The following NTM variants were observed in gnomAD, a reference collection of about 807,000 sequenced individuals.
NTM encodes the protein IgLON family member 2.
NTM carries 13 observed loss-of-function variants against 42.1 expected under a neutral mutation model. The observed-to-expected ratio is 0.31, with a 90% CI of 0.20 to 0.49. The LOEUF (loss-of-function observed/expected upper bound fraction) is 0.49, where lower values mean the gene tolerates loss of function less well. Ranked by LOEUF, NTM falls within the 20% of genes least tolerant of loss-of-function variation. The pLI, the probability that NTM is intolerant of heterozygous loss-of-function variation, is 0.99. For missense variants in NTM, 373 were observed against 452.8 expected, an observed-to-expected ratio of 0.82 and a Z score of 1.60; for synonymous variants, 187 against 179.2, an observed-to-expected ratio of 1.04 and a Z score of -0.35.
rs550513983 is a variant in NTM at position 131,761,928 on chromosome 11, T to C, written c.83-149636T>C. 2.6e-5 allele frequency among the ~76,000 whole-genome samples: 4 copies of C among 152,072 alleles called. No individual in the cohort carries two copies. The South Asian group carries it at 8.3e-4, about 32-fold the overall frequency. On this transcript the variant is annotated intron_variant, in intron 1 of 8. Transcript: ENST00000683400. The stretch of plus-strand genomic sequence containing the variant: ...CCTCTCTCTGTCTCTCTCTTCACTA[T>C]GTGAGGATACAATGGGAAGGCAGCT...
chr11:131,622,990 G>A (rs2062733818), intron 1 of NTM, among the ~76,000 whole-genome samples: 1 of 152,210 alleles, frequency 6.6e-6, no homozygotes, highest in Non-Finnish European at 1.5e-5. Context: ...AAGAGGAAGA[G>A]GAAGGGAAAT....
intron 3 of NTM, among the ~76,000 whole-genome samples, chr11:132,184,106 G>T (rs1473433071): frequency 6.6e-6 from 1 of 152,130 alleles, no homozygotes; most frequent in African/African-American, 2.4e-5. Context: ...TTTTACTACC[G>T]TTTTTGAGAG....
At chr11:131,383,681 G>C (rs990727637) in intron 1 of NTM, among the ~76,000 whole-genome samples, 4 of 152,166 alleles carry the variant, frequency 2.6e-5, no homozygotes, top group African/African-American at 9.7e-5. Context: ...GGCTAGAATT[G>C]TTTTCATTGA....
At position 131,422,060 on chromosome 11, in the gene NTM, A is replaced by G. The variant is rs571975853; in HGVS notation, c.82+51172A>G. On this transcript the variant is annotated intron_variant, in intron 1 of 8. Transcript: ENST00000683400. Reference sequence around the variant, plus strand: ...TTGCAAGTTCAAATCTGAGCCCTGCATTTTGTCCACAACGTAGTTAACTTG... The same window carrying G: ...TTGCAAGTTCAAATCTGAGCCCTGCGTTTTGTCCACAACGTAGTTAACTTG... Among the ~76,000 whole-genome samples the G allele has an allele frequency of 2.6e-5, 4 of 152,258 alleles. 1 individual carries two copies. The South Asian group carries it at 8.3e-4, about 32-fold the overall frequency.
At chr11:131,763,940 T>C (rs2135836591) in intron 1 of NTM, among the ~76,000 whole-genome samples, 1 of 152,070 alleles carries the variant, frequency 6.6e-6, no homozygotes, top group Admixed American at 6.5e-5. Context: ...TGAGGAGCAA[T>C]AATTATGTAA....
intron 3 of NTM, among the ~76,000 whole-genome samples, chr11:132,200,045 C>T (rs920002709): frequency 6.6e-6 from 1 of 152,160 alleles, no homozygotes; most frequent in Non-Finnish European, 1.5e-5. Flanking sequence ...CTGCCACTCT[C>T]GCTGAGAACT....
chr11:131,995,676 G>T (rs1334644725), intron 2 of NTM, among the ~76,000 whole-genome samples: 1 of 152,076 alleles, frequency 6.6e-6, no homozygotes, highest in Non-Finnish European at 1.5e-5. Context: ...CCAGGGGTTT[G>T]GTCTAGGTCC....
At chr11:131,409,206 G>A (rs886910285) in intron 1 of NTM, among the ~76,000 whole-genome samples, 2 of 152,226 alleles carry the variant, frequency 1.3e-5, no homozygotes, top group African/African-American at 4.8e-5. Flanking sequence ...ATCTAGTTAA[G>A]ACTGCAAAGT....
intron 1 of NTM, among the ~76,000 whole-genome samples, chr11:131,816,343 CA>C (rs974514652): frequency 6.6e-6 from 1 of 152,086 alleles, no homozygotes; most frequent in Non-Finnish European, 1.5e-5. Context: ...TTATACTCTC[CA>C]AATAACAGTC....
At chr11:132,168,182 C>T (rs2075575842) in intron 3 of NTM, among the ~76,000 whole-genome samples, 1 of 152,198 alleles carries the variant, frequency 6.6e-6, no homozygotes, top group South Asian at 2.1e-4. Context: ...GTCTATTGCA[C>T]TGCACTTCAT....
intron 2 of NTM, among the ~76,000 whole-genome samples, chr11:132,142,591 G>T (rs915969299): frequency 1.3e-5 from 2 of 152,208 alleles, no homozygotes; most frequent in Admixed American, 6.5e-5. Context: ...AGGTGACAGA[G>T]TTGGCTGCCG....
intron 1 of NTM, among the ~76,000 whole-genome samples, chr11:131,471,149 C>G (rs73588735): frequency 0.043 from 6,555 of 152,278 alleles, 451 homozygotes; most frequent in African/African-American, 0.15. Flanking sequence ...ATTGTCAGCT[C>G]TTACTAACTC....
At chr11:132,194,414 A>T (rs910488757) in intron 3 of NTM, among the ~76,000 whole-genome samples, 4 of 152,152 alleles carry the variant, frequency 2.6e-5, no homozygotes, top group Non-Finnish European at 4.4e-5. Flanking sequence ...AAAATTCAAC[A>T]TTCCTTCATG....
intron 2 of NTM, among the ~76,000 whole-genome samples, chr11:131,953,894 G>T (rs796273628): frequency 1.6e-4 from 25 of 152,328 alleles, no homozygotes; most frequent in African/African-American, 4.8e-4. Context: ...GACCTTTAAC[G>T]TGAATCTGAT....
chr11:132,195,677 A>G (rs2080092285), intron 3 of NTM, among the ~76,000 whole-genome samples: 1 of 152,276 alleles, frequency 6.6e-6, no homozygotes, highest in African/African-American at 2.4e-5. Flanking sequence ...TCTAACTGTT[A>G]ATAAAGTTGA....
chr11:131,946,118 G>T (rs1306297759), intron 2 of NTM, among the ~76,000 whole-genome samples: 1 of 152,198 alleles, frequency 6.6e-6, no homozygotes, highest in Non-Finnish European at 1.5e-5. Context: ...GGTAAAGGGG[G>T]AGATAAATCA....
chr11:131,733,180 C>A (rs552867589), intron 1 of NTM, among the ~76,000 whole-genome samples: 7 of 152,038 alleles, frequency 4.6e-5, no homozygotes, highest in African/African-American at 1.7e-4. Context: ...AATATTTAAA[C>A]CTTGGTTTAA....
intron 1 of NTM, among the ~76,000 whole-genome samples, chr11:131,469,387 T>A (rs543722740): frequency 3.3e-5 from 5 of 152,354 alleles, no homozygotes; most frequent in Admixed American, 1.3e-4. Flanking sequence ...ATAAACTGTT[T>A]TTATGACACT....
intron 4 of NTM, among the ~76,000 whole-genome samples, chr11:132,302,285 T>G (rs2094894421): frequency 6.6e-6 from 1 of 152,218 alleles, no homozygotes; most frequent in Admixed American, 6.5e-5. Context: ...ATCTACACTT[T>G]TAAATTAAGG....
Sources: allele counts gnomAD v4.1 joint callset (sites outside exome capture counted in the v4.1 genomes callset), GRCh38; gene constraint gnomAD v4.1.1; transcripts MANE v1.5; gene names NCBI Gene and HGNC (gene_info 2026-07-23, HGNC 2026-07-21).